EFR3A: variants seen among roughly 807,000 people sequenced by gnomAD.
The protein encoded by EFR3A is EFR3 homolog A, also known as protein EFR3 homolog A.
Under a neutral mutation model 104.4 loss-of-function variants are expected in EFR3A, and 76 were observed. The ratio of observed to expected loss-of-function variants is 0.73; its 90% CI spans 0.60 to 0.88. The LOEUF (loss-of-function observed/expected upper bound fraction) is 0.88. Among genes scored for constraint, EFR3A ranks in the 40% least tolerant of loss-of-function variants. The pLI is 0.00. For missense variants in EFR3A, 985 were observed against 1,012.5 expected (o/e 0.97, Z 0.37); for synonymous variants, 330 against 330.0 (o/e 1.00, Z 0.00).
intron 22 of EFR3A, among the ~76,000 whole-genome samples, chr8:132,005,471 G>A (rs1164905689): frequency 1.3e-5 from 2 of 151,608 alleles, no homozygotes; most frequent in African/African-American, 2.4e-5. Flanking sequence ...AATACAGTGA[G>A]AATAAGCAGC....
chr8:131,959,300 C>T (rs1433444492), intron 7 of EFR3A, among the ~76,000 whole-genome samples: 1 of 151,804 alleles, frequency 6.6e-6, no homozygotes, highest in African/African-American at 2.4e-5. Context: ...TTAAAATTAC[C>T]CTTTGAGAGA....
intron 22 of EFR3A, among the ~76,000 whole-genome samples, chr8:132,008,430 A>C (rs6471022): frequency 0.49 from 74,325 of 151,800 alleles, 18,345 homozygotes; most frequent in Middle Eastern, 0.57. Context: ...CATAGTTGCC[A>C]AATGTCCATT....
At chr8:131,969,308 C>T (rs899690983) in intron 9 of EFR3A, among the ~76,000 whole-genome samples, 2 of 152,086 alleles carry the variant, frequency 1.3e-5, no homozygotes, top group African/African-American at 4.8e-5. Flanking sequence ...ATATAGTCAT[C>T]CCTCAGTATC....
intron 14 of EFR3A, among the ~76,000 whole-genome samples, chr8:131,983,008 T>G (rs962528126): frequency 1.3e-5 from 2 of 152,190 alleles, no homozygotes; most frequent in African/African-American, 4.8e-5. Context: ...TTGTCACAGC[T>G]GGAGAACTAT....
At chr8:131,958,378 TC>T (rs1819130814) in intron 7 of EFR3A, among the ~76,000 whole-genome samples, 1 of 152,192 alleles carries the variant, frequency 6.6e-6, no homozygotes, top group East Asian at 1.9e-4. Context: ...TGCATTTTGT[TC>T]TGTAAATTCT....
chr8:131,992,747 G>A (rs544781027), intron 18 of EFR3A, among the ~76,000 whole-genome samples: 6 of 152,228 alleles, frequency 3.9e-5, no homozygotes, highest in South Asian at 2.1e-4. Flanking sequence ...ATCCCACAGC[G>A]TGCACAGAGG....
At chr8:131,963,606 G>A (rs993588201) in intron 8 of EFR3A, among the ~76,000 whole-genome samples, 5 of 152,120 alleles carry the variant, frequency 3.3e-5, no homozygotes, top group African/African-American at 9.7e-5. Context: ...AAAAGTCCAG[G>A]ACCAGGTGGA....
At chr8:131,923,250 ATG>A (rs1487505316) in intron 1 of EFR3A, among the ~76,000 whole-genome samples, 1 of 152,146 alleles carries the variant, frequency 6.6e-6, no homozygotes, top group East Asian at 1.9e-4. Context: ...ATATGTTGGC[ATG>A]TGTGTGTATA....
chr8:131,916,349 G>C (rs190387567), intron 1 of EFR3A, among the ~76,000 whole-genome samples: 1 of 152,260 alleles, frequency 6.6e-6, no homozygotes, highest in Non-Finnish European at 1.5e-5. Context: ...GGATTAATTG[G>C]ATCAAAGGAT....
intron 18 of EFR3A, among the ~76,000 whole-genome samples, chr8:131,988,851 A>G (rs950148559): frequency 6.6e-6 from 1 of 152,120 alleles, no homozygotes; most frequent in Non-Finnish European, 1.5e-5. Flanking sequence ...CATATTTTCT[A>G]TAATTAGTTT....
chr8:131,921,293 A>G (rs914225036), intron 1 of EFR3A, among the ~76,000 whole-genome samples: 1 of 152,092 alleles, frequency 6.6e-6, no homozygotes, highest in African/African-American at 2.4e-5. Flanking sequence ...ATAGCCATCT[A>G]TCTGGAGTTC....
At chr8:131,999,045 T>G (rs1045665682) in intron 19 of EFR3A, among the ~76,000 whole-genome samples, 3 of 152,096 alleles carry the variant, frequency 2.0e-5, no homozygotes, top group African/African-American at 7.2e-5. Context: ...CTTCCTTATA[T>G]ATGCATAACT....
intron 18 of EFR3A, among the ~76,000 whole-genome samples, chr8:131,991,573 T>C (rs572555665): frequency 2.0e-4 from 31 of 152,140 alleles, no homozygotes; most frequent in African/African-American, 6.5e-4. Context: ...CTGGGTTTTG[T>C]GTGAGGGTTA....
At chr8:131,947,021 G>T (rs993720794) in intron 4 of EFR3A, among the ~76,000 whole-genome samples, 3 of 151,892 alleles carry the variant, frequency 2.0e-5, no homozygotes, top group African/African-American at 7.3e-5. Context: ...ACAGGTTTTT[G>T]TGTGGATGTA....
intron 5 of EFR3A, 35 bp downstream of exon 5, chr8:131,950,125 T>A: frequency 6.5e-7 from 1 of 1,540,456 alleles, no homozygotes. Flanking sequence ...CTATAGTAAG[T>A]AATTTAGAGA....
chr8:131,933,529 G>A (rs756200834), intron 1 of EFR3A, among the ~76,000 whole-genome samples: 6 of 151,914 alleles, frequency 3.9e-5, no homozygotes, highest in African/African-American at 1.2e-4. Flanking sequence ...GAAGCTTTTC[G>A]AATGAAATCT....
At chr8:131,912,625 G>A (rs1221218520) in intron 1 of EFR3A, among the ~76,000 whole-genome samples, 1 of 152,060 alleles carries the variant, frequency 6.6e-6, no homozygotes, top group African/African-American at 2.4e-5. Context: ...TCTATAATTG[G>A]TGTTTTCCTT....
At chr8:131,939,786 G>C (rs932342073) in intron 1 of EFR3A, 6 of 152,096 alleles carry the variant, frequency 3.9e-5, no homozygotes, top group Admixed American at 2.6e-4. Flanking sequence ...ATTTATTTTA[G>C]TGTCAGTATT....
chr8:132,002,690 C>A lies in EFR3A; in HGVS notation c.2294C>A (p.Ala765Glu). The A allele has an allele frequency of 6.2e-7, 1 of 1,613,510 alleles. No homozygotes were observed. Among genetic ancestry groups the A allele is most frequent in the Non-Finnish European group, 8.5e-7 (1 of 1,179,568 alleles). ...AAAGCACCTTTTGAAGAAATAGCAG[C>A]ACAGTGTGAATCCAAAGTAAGTGAA... ...FQKAPFEEIA[A>E]QCESKANLLH... Residue 765 changes from alanine to glutamate, a missense_variant, in exon 21 of 23, where the codon GCA becomes GAA. Coordinates refer to ENST00000254624, the MANE Select transcript of EFR3A (RefSeq NM_015137.6).
Sources: gnomAD v4.1 joint callset for allele counts (sites outside exome capture counted in the v4.1 genomes callset) on GRCh38, gnomAD v4.1.1 for gene constraint, MANE v1.5 for transcripts, NCBI Gene and HGNC (gene_info 2026-07-23, HGNC 2026-07-21) for gene names.